The following LIMCH1 variants were observed in gnomAD, a reference collection of about 807,000 sequenced individuals.
LIMCH1 encodes the protein LIM and calponin homology domains 1.
LIMCH1 carries 113 observed loss-of-function variants against 176.5 expected under a neutral mutation model. The observed-to-expected ratio is 0.64, with a 90% CI of 0.55 to 0.75. The LOEUF is 0.75. Ranked by LOEUF, LIMCH1 falls within the 30% of genes least tolerant of loss-of-function variation. LIMCH1 has a pLI of 0.00. For synonymous variants in LIMCH1, 619 were observed against 645.9 expected, an observed-to-expected ratio of 0.96 and a Z score of 0.63; for missense variants, 1,674 against 1,814.9, an observed-to-expected ratio of 0.92 and a Z score of 1.41.
chr4:41,369,377 T>C (rs540552832), intron 1 of LIMCH1, among the ~76,000 whole-genome samples: 1 of 152,136 alleles, frequency 6.6e-6, no homozygotes, highest in African/African-American at 2.4e-5. Flanking sequence ...TTTCTGTATA[T>C]AGGAGAGACT....
In LIMCH1 at chr4:41,419,643, T is replaced by G. The variant is rs1581861797; in HGVS notation, c.96+58707T>G. ...CCTTCCTTCCTTCCTTCCTCCTTCCTTTCTTCCTCCTTCCTTCCTTCCTTC... is the reference window on the plus strand; with the variant it reads ...CCTTCCTTCCTTCCTTCCTCCTTCCGTTCTTCCTCCTTCCTTCCTTCCTTC... On this transcript the variant is annotated intron_variant, in intron 1 of 26. Transcript: ENST00000313860. Among the ~76,000 whole-genome samples, 8 of 89,024 alleles carry G rather than the reference T, an allele frequency of 9.0e-5. 1 individual carries two copies. The highest frequency in any genetic ancestry group is 5.4e-4 in the Admixed American group (5 of 9,262). 58.4% of individuals were successfully genotyped at this position (89,024 alleles called of 152,430 possible). A position where few individuals can be genotyped will look rare whatever the true frequency, so the allele number is the denominator to read the frequency against.
chr4:41,532,513 A>G (rs2077439430), intron 3 of LIMCH1, among the ~76,000 whole-genome samples: 1 of 152,210 alleles, frequency 6.6e-6, no homozygotes, highest in Non-Finnish European at 1.5e-5. Context: ...AACCAGGGCA[A>G]CAGATGGTTC....
chr4:41,491,816 G>A (rs1211234944), intron 1 of LIMCH1, among the ~76,000 whole-genome samples: 6 of 150,270 alleles, frequency 4.0e-5, no homozygotes, highest in African/African-American at 1.5e-4. Context: ...GGGGCGGCCA[G>A]GCAGAAGCGC....
intron 10 of LIMCH1, 86 bp downstream of exon 10, chr4:41,631,563 C>A: frequency 2.7e-6 from 3 of 1,111,204 alleles, no homozygotes; most frequent in South Asian, 1.7e-5. Flanking sequence ...TTATACAAGC[C>A]CCTAGAGATG....
At chr4:41,524,749 T>C (rs1417570249) in intron 3 of LIMCH1, among the ~76,000 whole-genome samples, 1 of 152,232 alleles carries the variant, frequency 6.6e-6, no homozygotes, top group Non-Finnish European at 1.5e-5. Flanking sequence ...GGCTGATAAT[T>C]AGGTTGACCC....
chr4:41,420,364 A>G (rs1416370095), intron 1 of LIMCH1, among the ~76,000 whole-genome samples: 1 of 152,248 alleles, frequency 6.6e-6, no homozygotes, highest in East Asian at 1.9e-4. Context: ...AGTATTCATC[A>G]TATCATCTGT....
At chr4:41,565,904 G>A (rs1209800803) in intron 1 of LIMCH1, among the ~76,000 whole-genome samples, 1 of 152,072 alleles carries the variant, frequency 6.6e-6, no homozygotes, top group African/African-American at 2.4e-5. Context: ...TAACATTTGG[G>A]GATACAGACT....
intron 1 of LIMCH1, among the ~76,000 whole-genome samples, chr4:41,487,653 C>CTTTTTTTTTTTTTTTT (rs149754932): frequency 3.7e-5 from 4 of 108,176 alleles, no homozygotes; most frequent in Non-Finnish European, 5.4e-5. Flanking sequence ...TTTTTATATT[C>CTTTTTTTTTTTTTTTT]TTTTTTTTTT....
At chr4:41,526,909 T>A (rs760909730) in intron 3 of LIMCH1, among the ~76,000 whole-genome samples, 1 of 152,318 alleles carries the variant, frequency 6.6e-6, no homozygotes, top group East Asian at 1.9e-4. Context: ...CATCCTCATC[T>A]CTTGCCTGGA....
intron 1 of LIMCH1, among the ~76,000 whole-genome samples, chr4:41,367,839 C>A (rs1211519048): frequency 6.7e-6 from 1 of 149,400 alleles, no homozygotes; most frequent in Non-Finnish European, 1.5e-5. Context: ...TGCACTCCAG[C>A]CTGGGCGGCA....
chr4:41,376,895 A>AT (rs1344883596), intron 1 of LIMCH1, among the ~76,000 whole-genome samples: 4 of 152,222 alleles, frequency 2.6e-5, no homozygotes, highest in Non-Finnish European at 4.4e-5. Flanking sequence ...GGTTGCCCAT[A>AT]TGCAGTACTT....
intron 1 of LIMCH1, among the ~76,000 whole-genome samples, chr4:41,483,736 G>A (rs1434500618): frequency 2.0e-5 from 3 of 152,290 alleles, no homozygotes; most frequent in East Asian, 1.9e-4. Context: ...TGCCTGGAGC[G>A]CCCTACTTCA....
intron 28 of LIMCH1, 47 bp from the exon 29 acceptor site, chr4:41,687,793 G>T: frequency 8.5e-7 from 1 of 1,182,682 alleles, no homozygotes; most frequent in Non-Finnish European, 1.2e-6. Flanking sequence ...ATGGAGTTTG[G>T]CTTCTCTTTG....
At chr4:41,609,681 A>G (rs748139829) in intron 4 of LIMCH1, 43 of 455,860 alleles carry the variant, frequency 9.4e-5, no homozygotes, top group Non-Finnish European at 1.8e-4. Flanking sequence ...CCAAAATTTC[A>G]TGAAGCTAGT....
intron 14 of LIMCH1, among the ~76,000 whole-genome samples, chr4:41,640,875 A>G (rs1225829986): frequency 6.6e-6 from 1 of 152,160 alleles, no homozygotes; most frequent in Non-Finnish European, 1.5e-5. Context: ...ACAGGCAAAC[A>G]GAGAAATTTC....
At chr4:41,467,156 T>TACACACAC (rs764604409) in intron 1 of LIMCH1, among the ~76,000 whole-genome samples, 4 of 100,242 alleles carry the variant, frequency 4.0e-5, no homozygotes, top group Non-Finnish European at 5.7e-5. Context: ...TGTATGTATA[T>TACACACAC]ATACACACAC....
chr4:41,610,499 T>C (rs2091294218), intron 4 of LIMCH1, among the ~76,000 whole-genome samples: 1 of 152,220 alleles, frequency 6.6e-6, no homozygotes, highest in Non-Finnish European at 1.5e-5. Context: ...TTATGATTTG[T>C]ATATATTGAA....
At chr4:41,401,190 C>T (rs9683934) in intron 1 of LIMCH1, among the ~76,000 whole-genome samples, 76,470 of 151,970 alleles carry the variant, frequency 0.5, 23,180 homozygotes, top group African/African-American at 0.86. Context: ...TTTTAATCCA[C>T]CTTGAATTAA....
At chr4:41,401,199 A>G (rs1403189889) in intron 1 of LIMCH1, among the ~76,000 whole-genome samples, 1 of 152,150 alleles carries the variant, frequency 6.6e-6, no homozygotes, top group Non-Finnish European at 1.5e-5. Context: ...ACCTTGAATT[A>G]ATTTTTGTAT....
Sources: gnomAD v4.1 joint callset for allele counts (sites outside exome capture counted in the v4.1 genomes callset) on GRCh38, gnomAD v4.1.1 for gene constraint, MANE v1.5 for transcripts, NCBI Gene and HGNC (gene_info 2026-07-23, HGNC 2026-07-21) for gene names.